The following MTA3 variants were observed in gnomAD, a reference collection of about 807,000 sequenced individuals.
The protein encoded by MTA3 is metastasis associated 1 family member 3.
Under a neutral mutation model 83.5 loss-of-function variants are expected in MTA3, and 34 were observed. The observed-to-expected ratio is 0.41, with a 90% CI of 0.31 to 0.54. The LOEUF (loss-of-function observed/expected upper bound fraction) is 0.54. Ranked by LOEUF, MTA3 falls within the 20% of genes least tolerant of loss-of-function variation. MTA3 has a pLI of 0.33. For missense variants in MTA3, 761 were observed against 726.4 expected, an observed-to-expected ratio of 1.05 and a Z score of -0.55; for synonymous variants, 303 against 252.7, an observed-to-expected ratio of 1.20 and a Z score of -1.89.
At chr2:42,584,471 T>C (rs1680032041) in intron 3 of MTA3, among the ~76,000 whole-genome samples, 1 of 152,224 alleles carries the variant, frequency 6.6e-6, no homozygotes, top group Non-Finnish European at 1.5e-5. Flanking sequence ...ATTGGCTTTA[T>C]CATTCTATAT....
At chr2:42,533,860 G>C (rs1314116254) in intron 2 of MTA3, among the ~76,000 whole-genome samples, 1 of 148,128 alleles carries the variant, frequency 6.8e-6, no homozygotes, top group South Asian at 2.1e-4. Flanking sequence ...GGAAAATAAA[G>C]AAACGAAAGA....
chr2:42,738,348 A>G (rs189600266), intron 16 of MTA3, among the ~76,000 whole-genome samples: 194 of 152,310 alleles, frequency 1.3e-3, no homozygotes, highest in African/African-American at 4.3e-3. Context: ...AGTTCCCCAA[A>G]TGAATACTTT....
At chr2:42,638,470 C>G (rs1465561288) in intron 4 of MTA3, among the ~76,000 whole-genome samples, 2 of 151,930 alleles carry the variant, frequency 1.3e-5, no homozygotes, top group Non-Finnish European at 2.9e-5. Context: ...CTCAGTGCAC[C>G]CTAGACCTCC....
At chr2:42,748,166 C>G (rs1008240472) in intron 16 of MTA3, among the ~76,000 whole-genome samples, 2 of 150,788 alleles carry the variant, frequency 1.3e-5, no homozygotes, top group African/African-American at 4.9e-5. Flanking sequence ...GTAGCTGGGA[C>G]TACAGGCATG....
chr2:42,568,267 G>A (rs1239841413), upstream of MTA3: 2 of 154,534 alleles, frequency 1.3e-5, no homozygotes, highest in African/African-American at 2.4e-5. Context: ...CAGGTGACGG[G>A]GTACCCTGGG....
intron 3 of MTA3, among the ~76,000 whole-genome samples, chr2:42,603,347 G>A (rs1385389879): frequency 3.3e-5 from 5 of 152,140 alleles, no homozygotes; most frequent in Admixed American, 3.3e-4. Flanking sequence ...CTCTGTTGGT[G>A]CTAGATAATT....
At chr2:42,717,514 C>G (rs1334704989) in intron 14 of MTA3, among the ~76,000 whole-genome samples, 1 of 152,160 alleles carries the variant, frequency 6.6e-6, no homozygotes, top group Non-Finnish European at 1.5e-5. Flanking sequence ...AATTAAAACA[C>G]AGAATGTTTG....
intron 9 of MTA3, among the ~76,000 whole-genome samples, chr2:42,694,933 G>A (rs731204): frequency 0.63 from 95,672 of 151,806 alleles, 30,778 homozygotes; most frequent in South Asian, 0.79. Context: ...GAACCTAGTT[G>A]TTCAAGACCA....
upstream of MTA3, among the ~76,000 whole-genome samples, chr2:42,566,962 A>G (rs2103812604): frequency 6.6e-6 from 1 of 152,346 alleles, no homozygotes; most frequent in East Asian, 1.9e-4. Flanking sequence ...CAGCTCAGAA[A>G]TGGAGTGATG....
intron 2 of MTA3, among the ~76,000 whole-genome samples, chr2:42,500,127 G>A (rs749164286): frequency 2.0e-5 from 3 of 152,054 alleles, no homozygotes; most frequent in African/African-American, 4.8e-5. Flanking sequence ...AAATTTGGCC[G>A]GTGGCTCACG....
chr2:42,658,282 A>C (rs1689353682), intron 7 of MTA3, among the ~76,000 whole-genome samples: 1 of 152,066 alleles, frequency 6.6e-6, no homozygotes, highest in African/African-American at 2.4e-5. Flanking sequence ...CTGTCATCTA[A>C]CACAAGTATC....
chr2:42,624,370 G>A (rs746415245), intron 4 of MTA3, among the ~76,000 whole-genome samples: 6 of 151,878 alleles, frequency 4.0e-5, no homozygotes, highest in Non-Finnish European at 8.8e-5. Context: ...TGCCCAGGCT[G>A]GAGTGCAGTG....
intron 15 of MTA3, 118 bp downstream of exon 15, chr2:42,719,192 G>T: frequency 1.4e-6 from 1 of 705,398 alleles, no homozygotes. Context: ...GCCGAAATTG[G>T]ATACCTTTAT....
At chr2:42,579,646 A>G (rs1402635775) in intron 3 of MTA3, among the ~76,000 whole-genome samples, 1 of 151,950 alleles carries the variant, frequency 6.6e-6, no homozygotes, top group Non-Finnish European at 1.5e-5. Context: ...AAATGTTGAC[A>G]TAGAAGCCTT....
chr2:42,579,036 C>G, intron 2 of MTA3, 71 bp from the exon 3 acceptor site: 1 of 984,564 alleles, frequency 1.0e-6, no homozygotes, highest in Non-Finnish European at 1.5e-6. Flanking sequence ...TGTGCTGTAT[C>G]TAGTTTCGTT....
intron 4 of MTA3, among the ~76,000 whole-genome samples, chr2:42,629,130 A>T (rs1047494100): frequency 5.3e-5 from 8 of 152,124 alleles, no homozygotes; most frequent in African/African-American, 1.9e-4. Flanking sequence ...CCCACGCTGG[A>T]GTGCAGTAAT....
chr2:42,513,041 A>G lies in MTA3; in HGVS notation c.-141+17787A>G, dbSNP rs1674974650. Among the ~76,000 whole-genome samples the G allele has an allele frequency of 2.6e-5, 4 of 152,168 alleles. No homozygotes were observed. The South Asian group carries it at 8.3e-4, about 32-fold the overall frequency. On this transcript the variant is annotated intron_variant, in intron 2 of 17. Coordinates refer to the MTA3 transcript ENST00000405592. ...CAGATAATTTTGCCACTTAATTTAAATCAGTCCCCATGGCATCCCCTATAA... is the reference window on the plus strand; with the variant it reads ...CAGATAATTTTGCCACTTAATTTAAGTCAGTCCCCATGGCATCCCCTATAA...
At chr2:42,553,840 C>G (rs1396476455) in intron 2 of MTA3, among the ~76,000 whole-genome samples, 1 of 141,948 alleles carries the variant, frequency 7.0e-6, no homozygotes, top group Non-Finnish European at 1.5e-5. Context: ...CACTGCAGTC[C>G]AGCCTGGGCG....
chr2:42,676,630 G>A (rs1327995360), intron 8 of MTA3, among the ~76,000 whole-genome samples: 1 of 152,152 alleles, frequency 6.6e-6, no homozygotes, highest in Admixed American at 6.5e-5. Flanking sequence ...GCTGGGCATT[G>A]TGGCATGCAC....
Sources: allele counts gnomAD v4.1 joint callset (sites outside exome capture counted in the v4.1 genomes callset), GRCh38; gene constraint gnomAD v4.1.1; transcripts MANE v1.5; gene names NCBI Gene and HGNC (gene_info 2026-07-23, HGNC 2026-07-21).